The following PCDHGA2 variants were observed in gnomAD, a reference collection of about 807,000 sequenced individuals.
PCDHGA2 encodes protocadherin gamma subfamily A, 2.
Under a neutral mutation model 59.2 loss-of-function variants are expected in PCDHGA2, and 40 were observed. The observed-to-expected ratio is 0.68, with a 90% CI of 0.52 to 0.88. The LOEUF is 0.88. Among genes scored for constraint, PCDHGA2 ranks in the 40% least tolerant of loss-of-function variants. PCDHGA2 has a pLI of 0.00. For missense variants in PCDHGA2, 1,226 were observed against 1,204.0 expected (o/e 1.02, Z -0.27); for synonymous variants, 560 against 526.0 (o/e 1.06, Z -0.89).
intron 1 of PCDHGA2, chr5:141,378,932 C>T (rs1274056612): frequency 1.2e-4 from 18 of 152,100 alleles, no homozygotes; most frequent in Admixed American, 1.2e-3. Context: ...AAGTTGATGG[C>T]CCTGGAATGA....
intron 1 of PCDHGA2, chr5:141,355,716 C>T (rs886273708): frequency 6.2e-6 from 10 of 1,613,994 alleles, no homozygotes; most frequent in Non-Finnish European, 8.5e-6. Flanking sequence ...GTTACCAGCT[C>T]AACTCAAACG....
chr5:141,420,251 G>A lies in PCDHGA2; in HGVS notation c.2425-74556G>A, dbSNP rs778777293. ...TAGCATTTTAACTCCCAGCGTTGAA[G>A]CAGATAAGAAGATTCTTAAACAGGT... is the stretch of plus-strand genomic sequence containing the variant. On this transcript the variant is annotated intron_variant, in intron 1 of 3. Transcript: ENST00000394576. The A allele has an allele frequency of 2.9e-5, 46 of 1,578,746 alleles. No homozygotes were observed. In the South Asian group the frequency reaches 4.5e-4, roughly 15 times the overall value.
intron 1 of PCDHGA2, among the ~76,000 whole-genome samples, chr5:141,474,116 A>G (rs2099342954): frequency 1.3e-5 from 2 of 152,234 alleles, no homozygotes; most frequent in African/African-American, 4.8e-5. Flanking sequence ...AACAACAACG[A>G]AAATCTCAGA....
chr5:141,436,068 T>A (rs1343785335), intron 1 of PCDHGA2, among the ~76,000 whole-genome samples: 1 of 152,190 alleles, frequency 6.6e-6, no homozygotes, highest in Non-Finnish European at 1.5e-5. Flanking sequence ...ATTTAATAAG[T>A]ACAGTGTTCT....
At chr5:141,410,535 A>T (rs2095405545) in intron 1 of PCDHGA2, 9 of 1,613,752 alleles carry the variant, frequency 5.6e-6, no homozygotes, top group Non-Finnish European at 7.6e-6. Context: ...TCCAATGAAG[A>T]CATGGTTTGC....
chr5:141,374,042 C>T (rs757758510), intron 1 of PCDHGA2: 1 of 1,460,408 alleles, frequency 6.8e-7, no homozygotes, highest in Admixed American at 2.7e-5. Context: ...CAGATCTGTT[C>T]TTCCTCTTCT....
At chr5:141,388,657 G>A (rs769160604) in intron 1 of PCDHGA2, 2 of 1,613,760 alleles carry the variant, frequency 1.2e-6, no homozygotes, top group Admixed American at 1.7e-5. Context: ...GTGTACCCGG[G>A]GACCACGGTG....
chr5:141,387,563 A>C (rs1589038442), intron 1 of PCDHGA2: 1 of 438,342 alleles, frequency 2.3e-6, no homozygotes, highest in East Asian at 3.7e-5. Context: ...TTAGGCACAC[A>C]ATTATAATTA....
intron 1 of PCDHGA2, chr5:141,388,882 T>C (rs1038312572): frequency 6.2e-7 from 1 of 1,613,800 alleles, no homozygotes; most frequent in Non-Finnish European, 8.5e-7. Context: ...ACAGTGGAGG[T>C]AGAAGTCATA....
rs752112707 is a variant in PCDHGA2, at chr5:141,376,279, A to G, written c.2424+34884A>G. 22 of 1,614,054 alleles carry G rather than the reference A, an allele frequency of 1.4e-5. No homozygotes were observed. The Admixed American group carries it at 1.8e-4, about 13-fold the overall frequency. ...TGCTGCAGGCTTCGGGAGGTGGCTT[A>G]GCGAGCATGCCCGGCTCGCACTTTG... is the stretch of plus-strand genomic sequence containing the variant. On this transcript the variant is annotated intron_variant, in intron 1 of 3. Coordinates refer to ENST00000394576, the MANE Select transcript of PCDHGA2 (RefSeq NM_018915.4).
intron 1 of PCDHGA2, among the ~76,000 whole-genome samples, chr5:141,353,478 T>A (rs1227837320): frequency 6.6e-6 from 1 of 152,236 alleles, no homozygotes; most frequent in Admixed American, 6.5e-5. Context: ...TTATTAAGAC[T>A]CTTAACACTT....
intron 3 of PCDHGA2, chr5:141,507,089 C>T (rs564539147): frequency 2.0e-5 from 3 of 152,298 alleles, no homozygotes; most frequent in Admixed American, 1.3e-4. Context: ...TAAGTTTATG[C>T]TCTTTCTACT....
rs1221200737 is a variant in PCDHGA2, at chr5:141,364,170, T to G, written c.2424+22775T>G. 16 of 776,358 alleles carry G rather than the reference T, an allele frequency of 2.1e-5. No homozygotes were observed. The East Asian group carries it at 4.0e-4, about 19-fold the overall frequency. The allele number at this position is 776,358 out of a possible 1,614,324, so 48.1% of individuals were successfully genotyped here. A position where few individuals can be genotyped will look rare whatever the true frequency, so the allele number is the denominator to read the frequency against. The stretch of plus-strand genomic sequence containing the variant: ...GAAGCTGCCGCAGAGGCGACCCGAC[T>G]CTGCTCCCTCCATACTAAACACACA... On this transcript the variant is annotated intron_variant, in intron 1 of 3. Coordinates refer to ENST00000394576, the MANE Select transcript of PCDHGA2 (RefSeq NM_018915.4).
intron 1 of PCDHGA2, chr5:141,415,006 C>A (rs1353721901): frequency 6.2e-7 from 1 of 1,613,652 alleles, no homozygotes; most frequent in Non-Finnish European, 8.5e-7. Context: ...GCTGTCCTAC[C>A]GTCTGCTCAA....
chr5:141,361,368 C>G, intron 1 of PCDHGA2: 1 of 1,613,970 alleles, frequency 6.2e-7, no homozygotes, highest in South Asian at 1.1e-5. Context: ...GCGCTCTGGA[C>G]CGGGAGGAGA....
chr5:141,495,028 G>C, intron 2 of PCDHGA2, 163 bp downstream of exon 2: 3 of 966,196 alleles, frequency 3.1e-6, no homozygotes, highest in Non-Finnish European at 3.7e-6. Flanking sequence ...CACAGACCCC[G>C]GAAGGAAGAG....
chr5:141,393,486 A>G, intron 1 of PCDHGA2: 1 of 1,614,082 alleles, frequency 6.2e-7, no homozygotes. Flanking sequence ...TCGCTCTAGC[A>G]CAGTGCGCAT....
intron 1 of PCDHGA2, among the ~76,000 whole-genome samples, chr5:141,435,770 C>G (rs1445835726): frequency 6.6e-6 from 1 of 152,070 alleles, no homozygotes; most frequent in Non-Finnish European, 1.5e-5. Context: ...TTGGTGAATT[C>G]TGTAAAGGTG....
chr5:141,352,902 C>G (rs1561504413), intron 1 of PCDHGA2, among the ~76,000 whole-genome samples: 1 of 152,122 alleles, frequency 6.6e-6, no homozygotes, highest in Non-Finnish European at 1.5e-5. Flanking sequence ...ACAGGAGGAT[C>G]GCTTGAGCCC....
Sources: gnomAD v4.1 joint callset for allele counts (sites outside exome capture counted in the v4.1 genomes callset) on GRCh38, gnomAD v4.1.1 for gene constraint, MANE v1.5 for transcripts, NCBI Gene and HGNC (gene_info 2026-07-23, HGNC 2026-07-21) for gene names.